Variants in TRHDE observed in about 807,000 individuals in gnomAD.
TRHDE encodes the protein thyrotropin-releasing hormone-degrading ectoenzyme.
TRHDE carries 72 observed loss-of-function variants against 125.7 expected under a neutral mutation model. The ratio of observed to expected loss-of-function variants is 0.57; its 90% CI spans 0.47 to 0.70. TRHDE has a LOEUF of 0.70. TRHDE is among the 30% of genes least tolerant of loss of function. The pLI, the probability that TRHDE is intolerant of heterozygous loss-of-function variation, is 0.00. For missense variants in TRHDE, 1,110 were observed against 1,327.1 expected (o/e 0.84, Z 2.54); for synonymous variants, 509 against 509.1 (o/e 1.00, Z 0.00).
intron 3 of TRHDE, among the ~76,000 whole-genome samples, chr12:72,436,857 G>A (rs946057319): frequency 3.3e-5 from 5 of 151,792 alleles, no homozygotes; most frequent in Admixed American, 6.6e-5. Context: ...ACAATCTTAT[G>A]AGCTTCATAG....
intron 2 of TRHDE, among the ~76,000 whole-genome samples, chr12:72,353,974 G>T (rs117842219): frequency 3.6e-4 from 54 of 151,632 alleles, no homozygotes; most frequent in South Asian, 1.5e-3. Context: ...ACATGGAGAC[G>T]TGCACTTGGA....
Position 72,194,771 on chromosome 12 carries a change from G to T in TRHDE, n.279+89019G>T, listed in dbSNP as rs570794024. 4.6e-5 allele frequency among the ~76,000 whole-genome samples: 7 copies of T among 152,168 alleles called. No homozygotes were observed. The South Asian group carries it at 1.2e-3, about 27-fold the overall frequency. On this transcript the variant is annotated intron_variant and non_coding_transcript_variant, in intron 2 of 4. Coordinates refer to the TRHDE transcript ENST00000548156. ...ATATGTACCACGTTTTCTTTATACAGTCCACCATTGATGGGTGTTTAGATT... is the reference window on the plus strand; with the variant it reads ...ATATGTACCACGTTTTCTTTATACATTCCACCATTGATGGGTGTTTAGATT...
At chr12:72,608,418 C>A (rs1461021247) in intron 12 of TRHDE, among the ~76,000 whole-genome samples, 1 of 152,172 alleles carries the variant, frequency 6.6e-6, no homozygotes, top group Non-Finnish European at 1.5e-5. Context: ...CCTGTGTCAA[C>A]AATACTTCTG....
intron 2 of TRHDE, among the ~76,000 whole-genome samples, chr12:72,169,861 A>G (rs571165526): frequency 6.6e-6 from 1 of 152,282 alleles, no homozygotes; most frequent in South Asian, 2.1e-4. Context: ...TTTAGGGGAC[A>G]CAGTTCAGTC....
At chr12:72,384,539 AT>A (rs956768609) in intron 3 of TRHDE, among the ~76,000 whole-genome samples, 4 of 152,144 alleles carry the variant, frequency 2.6e-5, no homozygotes, top group Admixed American at 6.5e-5. Context: ...GAGAAGTCTT[AT>A]TTTTACTTCA....
intron 2 of TRHDE, among the ~76,000 whole-genome samples, chr12:72,317,405 T>G (rs1287809953): frequency 1.3e-5 from 2 of 152,190 alleles, no homozygotes; most frequent in Non-Finnish European, 2.9e-5. Context: ...GACTGGGTAA[T>G]TTAGAAATAA....
Position 72,563,192 on chromosome 12 carries a change from T to C in TRHDE, c.2042+152T>C, listed in dbSNP as rs1592538292. ...TTTACACAAGTTACTTTGATTCTCC[T>C]TTTACTCCCATTTCCTGGATATCTG... On this transcript the variant is annotated intron_variant, in intron 9 of 18. Transcript: ENST00000261180. 4 of 570,676 alleles carry C rather than the reference T, an allele frequency of 7.0e-6. No individual in the cohort carries two copies. The East Asian group carries it at 1.4e-4, about 19-fold the overall frequency. The allele number at this position is 570,676 out of a possible 1,614,324, so 35.4% of individuals were successfully genotyped here. A position where few individuals can be genotyped will look rare whatever the true frequency, so the allele number is the denominator to read the frequency against.
intron 2 of TRHDE, among the ~76,000 whole-genome samples, chr12:72,316,498 A>C: frequency 6.6e-6 from 1 of 152,168 alleles, no homozygotes; most frequent in East Asian, 1.9e-4. Flanking sequence ...AGGAAATGGA[A>C]CACCACCAGC....
chr12:72,108,595 G>A (rs777347321), intron 2 of TRHDE, among the ~76,000 whole-genome samples: 9 of 152,020 alleles, frequency 5.9e-5, no homozygotes, highest in Non-Finnish European at 1.2e-4. Context: ...GGGCAATTAT[G>A]GTAATTTGAA....
intron 2 of TRHDE, among the ~76,000 whole-genome samples, chr12:72,361,790 C>T (rs1871099279): frequency 7.0e-6 from 1 of 141,998 alleles, no homozygotes; most frequent in African/African-American, 2.6e-5. Flanking sequence ...TCAATTCCCA[C>T]CTATGAGTGA....
intron 6 of TRHDE, among the ~76,000 whole-genome samples, chr12:72,516,003 C>T (rs550401062): frequency 6.7e-6 from 1 of 148,972 alleles, no homozygotes; most frequent in Admixed American, 6.7e-5. Flanking sequence ...TGATCTATAT[C>T]TCTGTTTTGG....
rs563272665 is a variant in TRHDE, at chr12:72,106,961, C to T, written n.279+1209C>T. On this transcript the variant is annotated intron_variant and non_coding_transcript_variant, in intron 2 of 4. Transcript: ENST00000548156. Reference sequence around the variant, plus strand: ...ATGATGAATCTGAGATTTAGGCCTACAGGTTGCAACTTGAACTTCTCAACA... The same window carrying T: ...ATGATGAATCTGAGATTTAGGCCTATAGGTTGCAACTTGAACTTCTCAACA... Among the ~76,000 whole-genome samples, 9 of 152,192 alleles carry T rather than the reference C, an allele frequency of 5.9e-5. No homozygotes were observed. The East Asian group carries it at 1.5e-3, about 26-fold the overall frequency.
chr12:72,551,224 G>T (rs1289371519), intron 7 of TRHDE, among the ~76,000 whole-genome samples: 2 of 151,992 alleles, frequency 1.3e-5, no homozygotes, highest in South Asian at 2.1e-4. Context: ...TTTGAACCTG[G>T]TTTACAAAAG....
intron 2 of TRHDE, among the ~76,000 whole-genome samples, chr12:72,317,132 G>C (rs1044417731): frequency 1.1e-4 from 17 of 152,156 alleles, no homozygotes; most frequent in African/African-American, 3.6e-4. Flanking sequence ...GTCTTAGAAA[G>C]TTAAAATTAG....
At chr12:72,545,316 A>G (rs534027666) in intron 7 of TRHDE, among the ~76,000 whole-genome samples, 1 of 151,674 alleles carries the variant, frequency 6.6e-6, no homozygotes, top group East Asian at 1.9e-4. Context: ...ATAAGGAGAA[A>G]TAATTCTCAT....
intron 2 of TRHDE, among the ~76,000 whole-genome samples, chr12:72,355,883 C>G (rs1870794318): frequency 6.6e-6 from 1 of 151,548 alleles, no homozygotes; most frequent in African/African-American, 2.4e-5. Flanking sequence ...ATAGCTATTA[C>G]TAAAAAGTCA....
chr12:72,564,597 A>G (rs940731738), intron 9 of TRHDE, among the ~76,000 whole-genome samples: 7 of 151,120 alleles, frequency 4.6e-5, no homozygotes, highest in Admixed American at 4.6e-4. Flanking sequence ...AAGCATATGT[A>G]ACATCTAGAC....
At position 72,181,339 on chromosome 12, in the gene TRHDE, G is replaced by A. The variant is rs113987197; in HGVS notation, n.279+75587G>A. ...CCTCCGGGCTTAATGCTTCGAGTTC[G>A]TCTCCAAGGTCAGTAGAATGATTTT... On this transcript the variant is annotated intron_variant and non_coding_transcript_variant, in intron 2 of 4. Transcript: ENST00000548156. Among the ~76,000 whole-genome samples, 10 of 152,176 alleles carry A rather than the reference G, an allele frequency of 6.6e-5. No individual in the cohort carries two copies. The South Asian group carries it at 8.3e-4, about 13-fold the overall frequency.
chr12:72,125,185 T>C (rs1229952104), intron 2 of TRHDE, among the ~76,000 whole-genome samples: 1 of 152,202 alleles, frequency 6.6e-6, no homozygotes, highest in African/African-American at 2.4e-5. Flanking sequence ...CATCATAAAA[T>C]AAATGGGCAG....
Sources: allele counts gnomAD v4.1 joint callset (sites outside exome capture counted in the v4.1 genomes callset), GRCh38; gene constraint gnomAD v4.1.1; transcripts MANE v1.5; gene names NCBI Gene and HGNC (gene_info 2026-07-23, HGNC 2026-07-21).